B4GALT7: variants seen among roughly 807,000 people sequenced by gnomAD.
The protein encoded by B4GALT7 is UDP-Gal:beta-GlcNAc beta-1,4-galactosyltransferase 7.
A neutral mutation model predicts 33.0 loss-of-function variants in B4GALT7; 30 were observed. That is an observed-to-expected ratio of 0.91 (90% CI 0.68 to 1.23). B4GALT7 has a LOEUF of 1.23. B4GALT7 is among the 50% of genes most tolerant of loss of function. B4GALT7 has a pLI of 0.00. For missense variants in B4GALT7, 507 were observed against 450.8 expected (o/e 1.12, Z -1.13); for synonymous variants, 213 against 187.2 (o/e 1.14, Z -1.13).
At chr5:177,601,515 G>C (rs1265214858) in intron 1 of B4GALT7, 1 of 152,240 alleles carries the variant, frequency 6.6e-6, no homozygotes, top group Non-Finnish European at 1.5e-5. Context: ...TAACAGAGGA[G>C]CATTTCTATT....
In B4GALT7 at chr5:177,606,667, T is replaced by A. The variant is rs1233567067; in HGVS notation, c.414-635T>A. On this transcript the variant is annotated intron_variant, in intron 2 of 5. Transcript: ENST00000029410. This position sits in a 1 kb window ranked among gnomAD's most constrained non-coding sequence, Gnocchi z 4.2. Reference sequence around the variant, plus strand: ...AAGTCACAGCACGCCTCTACCCTGCTCAGAGCCTCCATGGCACCCATCTTA... The same window carrying A: ...AAGTCACAGCACGCCTCTACCCTGCACAGAGCCTCCATGGCACCCATCTTA... 1 of 194,774 alleles carries A rather than the reference T, an allele frequency of 5.1e-6. No homozygotes were observed. The highest frequency in any genetic ancestry group is 1.2e-4 in the East Asian group (1 of 8,064). The allele number at this position is 194,774 out of a possible 1,614,324, so 12.1% of individuals were successfully genotyped here.
Position 177,604,484 on chromosome 5 carries a change from T to A in B4GALT7, c.356T>A (p.Leu119Gln). ...LVFVPHMRRF[L>Q]SRKKIRHHIY... ...TTCGTGCCCCACATGCGCCGCTTCC[T>A]GAGCAGGAAGAAGATCCGGCACCAC... The change falls in exon 2 of 6, where the codon CTG (leucine) becomes CAG (glutamine). Residue 119 changes from leucine (L) to glutamine (Q), a missense_variant. By Grantham distance (113) the Leu-to-Gln change is moderately radical (BLOSUM62 -2). Coordinates refer to ENST00000029410, the MANE Select transcript of B4GALT7 (RefSeq NM_007255.3). The A allele has an allele frequency of 6.2e-7, 1 of 1,614,022 alleles. No individual in the cohort carries two copies. The highest frequency in any genetic ancestry group is 1.6e-4 in the Middle Eastern group (1 of 6,062).
chr5:177,600,270 G>A lies in B4GALT7; in HGVS notation c.50+10G>A. 1 of 1,335,018 alleles carries A rather than the reference G, an allele frequency of 7.5e-7. No homozygotes were observed. 82.7% of individuals were successfully genotyped at this position (1,335,018 alleles called of 1,614,324 possible). ...CCTGGGAGGACGGCAGGTGAGCGGC[G>A]GCGGTGGGCCCGGGCCCCGTCCTCC... is the stretch of plus-strand genomic sequence containing the variant. On this transcript the variant is annotated intron_variant, in intron 1 of 5. Coordinates refer to ENST00000029410, the MANE Select transcript of B4GALT7 (RefSeq NM_007255.3). This position sits in a 1 kb window ranked among gnomAD's most constrained non-coding sequence, Gnocchi z 4.4.
chr5:177,608,695 T>TG lies in B4GALT7; in HGVS notation c.723+74dup. 1 of 1,428,478 alleles carries TG rather than the reference T, an allele frequency of 7.0e-7. No individual in the cohort carries two copies. Among genetic ancestry groups the TG allele is most frequent in the Non-Finnish European group, 9.8e-7 (1 of 1,022,964 alleles). The allele number at this position is 1,428,478 out of a possible 1,614,324, so 88.5% of individuals were successfully genotyped here. ...TGAGATTTTCTTCTGTTTCCTCAGA[T>TG]GAAGCTCCTGGGGTCTGGAGATGGC... On this transcript the variant is annotated intron_variant, in intron 4 of 5. Transcript: ENST00000029410. This position sits in a 1 kb window ranked among gnomAD's most constrained non-coding sequence, Gnocchi z 4.1.
At chr5:177,609,295 G>A in intron 5 of B4GALT7, among the ~76,000 whole-genome samples, 1 of 152,184 alleles carries the variant, frequency 6.6e-6, no homozygotes, top group East Asian at 1.9e-4. Context: ...CCACACCCGG[G>A]ATGCAGGGAT....
Position 177,604,517 on chromosome 5 carries a change from T to C in B4GALT7, c.389T>C (p.Val130Ala), listed in dbSNP as rs997197290. The change falls in exon 2 of 6, where the codon GTG (valine) becomes GCG (alanine). Residue 130 changes from valine to alanine, a missense_variant. Physicochemically the swap from Val to Ala is moderately conservative, Grantham distance 64. Transcript: ENST00000029410. ...SRKKIRHHIYVLNQVDHFRFN... is the reference protein window; with the variant it reads ...SRKKIRHHIYALNQVDHFRFN... Reference sequence around the variant, plus strand: ...AAGAAGATCCGGCACCACATCTACGTGCTCAACCAGGTGGACCACTTCAGG... The same window carrying C: ...AAGAAGATCCGGCACCACATCTACGCGCTCAACCAGGTGGACCACTTCAGG... 2 of 1,613,852 alleles carry C rather than the reference T, an allele frequency of 1.2e-6. No individual in the cohort carries two copies. The highest frequency in any genetic ancestry group is 2.7e-5 in the African/African-American group (2 of 75,032).
Position 177,610,035 on chromosome 5 carries a change from C to A in B4GALT7, c.*340C>A. 1 of 377,044 alleles carries A rather than the reference C, an allele frequency of 2.7e-6. No homozygotes were observed. The highest frequency in any genetic ancestry group is 3.8e-5 in the Admixed American group (1 of 26,512). 23.4% of individuals were successfully genotyped at this position (377,044 alleles called of 1,614,324 possible). A position where few individuals can be genotyped will look rare whatever the true frequency, so the allele number is the denominator to read the frequency against. ...GGCTGAACAGGACAACCTCTCATCA[C>A]CCCCACTTTTGTTCCTTCCTGCTGG... On this transcript the variant is annotated 3_prime_UTR_variant, in exon 6 of 6. Transcript: ENST00000029410.
rs1365122511 is a variant in B4GALT7 at position 177,610,197 on chromosome 5, T to G, written c.*502T>G. ...AACAGCCAGCACCGCTCTAGCTGGT[T>G]GTTGCCATGCCGGAATGTGGGCCTA... On this transcript the variant is annotated 3_prime_UTR_variant, in exon 6 of 6. Coordinates refer to ENST00000029410, the MANE Select transcript of B4GALT7 (RefSeq NM_007255.3). 1.2e-5 allele frequency: 2 copies of G among 164,640 alleles called. No individual in the cohort carries two copies. Among genetic ancestry groups the G allele is most frequent in the Non-Finnish European group, 1.3e-5 (1 of 75,260 alleles). The allele number at this position is 164,640 out of a possible 1,614,324, so 10.2% of individuals were successfully genotyped here.
At position 177,604,178 on chromosome 5, in the gene B4GALT7, G is replaced by C. The variant is rs747741685; in HGVS notation, c.51-1G>C. 1.2e-6 allele frequency: 2 copies of C among 1,613,408 alleles called. No individual in the cohort carries two copies. The highest frequency in any genetic ancestry group is 2.2e-5 in the East Asian group (1 of 44,888). Reference sequence around the variant, plus strand: ...CTGACCCTGTCCCGCGCTTGCTCCAGGTCCGGGTTGCTCTCCGGCGGCCTC... The same window carrying C: ...CTGACCCTGTCCCGCGCTTGCTCCACGTCCGGGTTGCTCTCCGGCGGCCTC... On this transcript the variant is annotated splice_acceptor_variant, in intron 1 of 5. Coordinates refer to ENST00000029410, the MANE Select transcript of B4GALT7 (RefSeq NM_007255.3). LOFTEE classifies it high-confidence loss of function.
intron 3 of B4GALT7, 109 bp downstream of exon 3, chr5:177,607,636 C>G: frequency 9.0e-7 from 1 of 1,115,906 alleles, no homozygotes; most frequent in Non-Finnish European, 1.3e-6. Context: ...GAGCCCTGCC[C>G]TGGCCTAGCA....
rs766987370 is a variant in B4GALT7 at position 177,600,929 on chromosome 5, G to A, written c.50+669G>A. Among the ~76,000 whole-genome samples, 1 of 152,152 alleles carries A rather than the reference G, an allele frequency of 6.6e-6. No homozygotes were observed. Among genetic ancestry groups the A allele is most frequent in the Non-Finnish European group, 1.5e-5 (1 of 68,032 alleles). On this transcript the variant is annotated intron_variant, in intron 1 of 5. Transcript: ENST00000029410. This position sits in a 1 kb window ranked among gnomAD's most constrained non-coding sequence, Gnocchi z 4.4. ...GCTGTATTGGCCCTACGTGAAAGAT[G>A]CGAGCTTGGCCCACACCTTAGCTAA...
rs775207945 is a variant in B4GALT7, at chr5:177,607,410, C to G, written c.522C>G (p.Asp174Glu). The change falls in exon 3 of 6, where the codon GAC becomes GAG. Residue 174 changes from aspartate to glutamate, a missense_variant. Physicochemically the swap from Asp to Glu is conservative, Grantham distance 45 (BLOSUM62 2). Transcript: ENST00000029410. ...TGCTCCCTCTCAACGAGGAGCTGGA[C>G]TATGGCTTTCCTGAGGCTGGGCCCT... ...VDLLPLNEEL[D>E]YGFPEAGPFH... 2 of 1,614,128 alleles carry G rather than the reference C, an allele frequency of 1.2e-6. No individual in the cohort carries two copies. The highest frequency in any genetic ancestry group is 1.7e-6 in the Non-Finnish European group (2 of 1,180,038).
In B4GALT7 at chr5:177,610,002, G is replaced by A. The variant is rs1768134873; in HGVS notation, c.*307G>A. 2 of 452,302 alleles carry A rather than the reference G, an allele frequency of 4.4e-6. No homozygotes were observed. Among genetic ancestry groups the A allele is most frequent in the Non-Finnish European group, 8.2e-6 (2 of 242,428 alleles). The allele number at this position is 452,302 out of a possible 1,614,324, so 28.0% of individuals were successfully genotyped here. On this transcript the variant is annotated 3_prime_UTR_variant, in exon 6 of 6. Transcript: ENST00000029410. Reference sequence around the variant, plus strand: ...CTTCACGTGCCCAGGCCTGTGGGTAGTGGGGAGGGCTGAACAGGACAACCT... The same window carrying A: ...CTTCACGTGCCCAGGCCTGTGGGTAATGGGGAGGGCTGAACAGGACAACCT...
At chr5:177,607,570 C>A in intron 3 of B4GALT7, 43 bp downstream of exon 3, 1 of 1,573,240 alleles carries the variant, frequency 6.4e-7, no homozygotes, top group South Asian at 1.1e-5. Flanking sequence ...CGGGAGCTCC[C>A]TCCAGGCTGC....
Position 177,609,943 on chromosome 5 carries a change from C to G in B4GALT7, c.*248C>G. On this transcript the variant is annotated 3_prime_UTR_variant, in exon 6 of 6. Transcript: ENST00000029410. ...GCTGGGGTGTGTCCTGTCCGGGACC[C>G]CCCCTGCCTTCCTGCTCACCCTACT... 1.8e-6 allele frequency: 1 copy of G among 565,300 alleles called. No individual in the cohort carries two copies. Among genetic ancestry groups the G allele is most frequent in the Non-Finnish European group, 3.2e-6 (1 of 315,012 alleles). The allele number at this position is 565,300 out of a possible 1,614,324, so 35.0% of individuals were successfully genotyped here.
In B4GALT7 at chr5:177,600,224, G is replaced by A. The variant is rs1392230207; in HGVS notation, c.14G>A (p.Arg5Gln). The stretch of plus-strand genomic sequence containing the variant: ...CCTCTCCGCACGATGTTCCCCTCGC[G>A]GAGGAAAGCGGCGCAGCTGCCCTGG... MFPS[R>Q]RKAAQLPWED... The change falls in exon 1 of 6, where the codon CGG becomes CAG. Residue 5 changes from arginine (R) to glutamine (Q), a missense_variant. Arg to Gln is a conservative substitution (Grantham distance 43). Transcript: ENST00000029410. The surrounding 1 kb of genome is among the most constrained non-coding windows in gnomAD (Gnocchi z 4.4). 1.9e-5 allele frequency: 26 copies of A among 1,392,630 alleles called. No homozygotes were observed. Among genetic ancestry groups the A allele is most frequent in the Non-Finnish European group, 2.4e-5 (26 of 1,067,000 alleles). 86.3% of individuals were successfully genotyped at this position (1,392,630 alleles called of 1,614,324 possible). A position where few individuals can be genotyped will look rare whatever the true frequency, so the allele number is the denominator to read the frequency against.
intron 2 of B4GALT7, among the ~76,000 whole-genome samples, chr5:177,605,487 G>A (rs997040012): frequency 6.6e-6 from 1 of 152,196 alleles, no homozygotes; most frequent in Non-Finnish European, 1.5e-5. Context: ...ACTCATAGCT[G>A]ACGACTTTGC....
chr5:177,602,559 G>A (rs1281985037), intron 1 of B4GALT7, among the ~76,000 whole-genome samples: 2 of 152,150 alleles, frequency 1.3e-5, no homozygotes, highest in African/African-American at 4.8e-5. Flanking sequence ...TTGGAGTTCG[G>A]CTCTGAAGGA....
In B4GALT7 at chr5:177,605,269, T is replaced by G. The variant is rs1382329542; in HGVS notation, c.413+728T>G. 1.2e-5 allele frequency: 4 copies of G among 333,602 alleles called. No homozygotes were observed. In the East Asian group the frequency reaches 3.8e-4, roughly 32 times the overall value. 20.7% of individuals were successfully genotyped at this position (333,602 alleles called of 1,614,324 possible). On this transcript the variant is annotated intron_variant, in intron 2 of 5. Transcript: ENST00000029410. ...GCTGCTGGCGTAATCCCAGCCTGAT[T>G]TACTCCAGCTCTCTGCTCCACACCT...
Sources: allele counts gnomAD v4.1 joint callset (sites outside exome capture counted in the v4.1 genomes callset), GRCh38; gene constraint gnomAD v4.1.1; non-coding constraint Gnocchi (gnomAD v3.1); transcripts MANE v1.5; gene names NCBI Gene and HGNC (gene_info 2026-07-23, HGNC 2026-07-21).